The following DLGAP2 variants were observed in gnomAD, a reference collection of about 807,000 sequenced individuals.
DLGAP2 encodes disks large-associated protein 2.
Under a neutral mutation model 100.3 loss-of-function variants are expected in DLGAP2, and 26 were observed. The observed-to-expected ratio is 0.26, with a 90% CI of 0.19 to 0.36. DLGAP2 has a LOEUF of 0.36. Among genes scored for constraint, DLGAP2 ranks in the 10% least tolerant of loss-of-function variants. DLGAP2 has a pLI of 1.00. For missense variants in DLGAP2, 1,858 were observed against 1,453.2 expected (o/e 1.28, Z -4.53); for synonymous variants, 886 against 630.1 (o/e 1.41, Z -6.08).
At chr8:1,023,277 G>T (rs143531974) in intron 2 of DLGAP2, among the ~76,000 whole-genome samples, 1 of 152,196 alleles carries the variant, frequency 6.6e-6, no homozygotes, top group South Asian at 2.1e-4. Context: ...TATCACGTAG[G>T]TCTGTTCGCT....
chr8:1,162,894 G>A (rs1796919062), intron 2 of DLGAP2, among the ~76,000 whole-genome samples: 2 of 152,240 alleles, frequency 1.3e-5, no homozygotes, highest in African/African-American at 2.4e-5. Flanking sequence ...GTGCTGGGCT[G>A]GGGTCCACGA....
chr8:1,542,480 T>C (rs1294817442), intron 4 of DLGAP2, among the ~76,000 whole-genome samples: 4 of 152,242 alleles, frequency 2.6e-5, no homozygotes, highest in Non-Finnish European at 5.9e-5. Flanking sequence ...TTCATATGAA[T>C]GAAATTGTAC....
chr8:1,238,134 T>A (rs748832493), intron 2 of DLGAP2, among the ~76,000 whole-genome samples: 1 of 13,568 alleles, frequency 7.4e-5, no homozygotes, highest in East Asian at 1.8e-3. Flanking sequence ...TACACGGTGC[T>A]GTGTCTAGTT....
At chr8:1,591,119 C>G (rs1333375704) in intron 6 of DLGAP2, among the ~76,000 whole-genome samples, 2 of 152,198 alleles carry the variant, frequency 1.3e-5, no homozygotes, top group Non-Finnish European at 2.9e-5. Context: ...TCAGGTGCAG[C>G]CCATGAAGAC....
chr8:849,624 C>G (rs1797143104), intron 1 of DLGAP2, among the ~76,000 whole-genome samples: 1 of 152,164 alleles, frequency 6.6e-6, no homozygotes, highest in African/African-American at 2.4e-5. Flanking sequence ...GTAGCCTGGG[C>G]TAATGGTCTC....
At chr8:1,268,823 C>G (rs1340115357) in intron 3 of DLGAP2, among the ~76,000 whole-genome samples, 2 of 152,234 alleles carry the variant, frequency 1.3e-5, no homozygotes, top group Non-Finnish European at 1.5e-5. Context: ...GGGTCTCACT[C>G]TGACTTGGCA....
chr8:1,662,073 T>C (rs1049979295), intron 8 of DLGAP2, among the ~76,000 whole-genome samples: 1 of 152,222 alleles, frequency 6.6e-6, no homozygotes. Flanking sequence ...CAAAGGGTCT[T>C]CCGCCCATAG....
intron 8 of DLGAP2, among the ~76,000 whole-genome samples, chr8:1,646,076 A>G (rs1798034364): frequency 6.6e-6 from 1 of 152,202 alleles, no homozygotes; most frequent in Admixed American, 6.5e-5. Context: ...TATCTGGTTA[A>G]ACATTATTGT....
rs187923294 is a variant in DLGAP2 at position 1,298,532 on chromosome 8, C to G, written c.106+39649C>G. ...CGGAGAGTGCTGAGAGGCAGCGTAC[C>G]CTGCAGAAGAGTGGCAGTCGCTGAG... is the stretch of plus-strand genomic sequence containing the variant. On this transcript the variant is annotated intron_variant, in intron 3 of 14. Transcript: ENST00000637795. Among the ~76,000 whole-genome samples the G allele has an allele frequency of 2.1e-3, 327 of 152,204 alleles. 3 individuals carry two copies. The highest frequency in any genetic ancestry group is 7.4e-3 in the African/African-American group (308 of 41,530).
intron 3 of DLGAP2, among the ~76,000 whole-genome samples, chr8:1,410,952 A>T (rs753350136): frequency 2.0e-5 from 3 of 151,120 alleles, no homozygotes; most frequent in Admixed American, 6.6e-5. Flanking sequence ...TGTAATCATT[A>T]TTTTGTTATA....
At chr8:1,411,389 A>G (rs191575581) in intron 3 of DLGAP2, among the ~76,000 whole-genome samples, 2 of 152,370 alleles carry the variant, frequency 1.3e-5, no homozygotes, top group East Asian at 1.9e-4. Flanking sequence ...TCCACATAAA[A>G]GAGCATAAAA....
At chr8:1,031,437 G>A (rs1801969487) in intron 2 of DLGAP2, among the ~76,000 whole-genome samples, 1 of 151,552 alleles carries the variant, frequency 6.6e-6, no homozygotes, top group Non-Finnish European at 1.5e-5. Flanking sequence ...TTTGAGACAG[G>A]GCCTCACTCT....
At chr8:1,659,862 T>A (rs772033403) in intron 8 of DLGAP2, among the ~76,000 whole-genome samples, 13 of 152,228 alleles carry the variant, frequency 8.5e-5, no homozygotes, top group Non-Finnish European at 1.6e-4. Flanking sequence ...AATATTGTTA[T>A]GTGTGAATTA....
chr8:822,114 G>T (rs564206513), intron 1 of DLGAP2: 18 of 399,388 alleles, frequency 4.5e-5, no homozygotes, highest in African/African-American at 3.3e-4. Context: ...TCCGAGGCTT[G>T]GCCCTAGCCC....
intron 2 of DLGAP2, among the ~76,000 whole-genome samples, chr8:1,053,789 C>A (rs944313788): frequency 1.5e-4 from 23 of 152,124 alleles, no homozygotes; most frequent in Non-Finnish European, 2.9e-4. Flanking sequence ...ATTTAAGAAC[C>A]AAAACTTTAA....
chr8:1,381,692 G>T (rs1466451396), intron 3 of DLGAP2, among the ~76,000 whole-genome samples: 1 of 151,920 alleles, frequency 6.6e-6, no homozygotes, highest in African/African-American at 2.4e-5. Flanking sequence ...TCTGTGCCTG[G>T]CCTATTTCAC....
chr8:878,202 G>C (rs1230629110), intron 1 of DLGAP2, among the ~76,000 whole-genome samples: 1 of 152,120 alleles, frequency 6.6e-6, no homozygotes, highest in Non-Finnish European at 1.5e-5. Context: ...AGTCAGTGGT[G>C]GGAGGAAAGT....
Position 1,549,697 on chromosome 8 carries a change from C to G in DLGAP2, c.1230+14C>G, listed in dbSNP as rs751096758. 13 of 1,533,312 alleles carry G rather than the reference C, an allele frequency of 8.5e-6. No individual in the cohort carries two copies. The highest frequency in any genetic ancestry group is 1.1e-5 in the Non-Finnish European group (13 of 1,138,160). The allele number at this position is 1,533,312 out of a possible 1,614,324, so 95.0% of individuals were successfully genotyped here. A position where few individuals can be genotyped will look rare whatever the true frequency, so the allele number is the denominator to read the frequency against. ...CACTACCTCCAGGTAAGCAGGCTCA[C>G]GGCCCTGTGGAGGCCGTCTCGGCAC... On this transcript the variant is annotated intron_variant, in intron 5 of 14. Coordinates refer to ENST00000637795, the MANE Select transcript of DLGAP2 (RefSeq NM_001346810.2).
At chr8:1,474,603 G>C (rs976825506) in intron 3 of DLGAP2, among the ~76,000 whole-genome samples, 6 of 152,182 alleles carry the variant, frequency 3.9e-5, no homozygotes, top group Non-Finnish European at 4.4e-5. Context: ...AGACATACAA[G>C]TGGGCAGAAA....
Sources: gnomAD v4.1 joint callset for allele counts (sites outside exome capture counted in the v4.1 genomes callset) on GRCh38, gnomAD v4.1.1 for gene constraint, MANE v1.5 for transcripts, NCBI Gene and HGNC (gene_info 2026-07-23, HGNC 2026-07-21) for gene names.